Variants in GALNT13 observed in about 807,000 individuals in gnomAD.
GALNT13 encodes the protein UDP-GalNAc:polypeptide N-acetylgalactosaminyltransferase 13.
GALNT13 carries 28 observed loss-of-function variants against 64.2 expected under a neutral mutation model. That is an observed-to-expected ratio of 0.44 (90% CI 0.32 to 0.60). The LOEUF (loss-of-function observed/expected upper bound fraction) is 0.60. GALNT13 is among the 20% of genes least tolerant of loss of function. The pLI is 0.05. For missense variants in GALNT13, 577 were observed against 669.8 expected (o/e 0.86, Z 1.53); for synonymous variants, 214 against 224.6 (o/e 0.95, Z 0.42).
At chr2:153,114,823 T>C in the GALNT13 span, among the ~76,000 whole-genome samples, 1 of 152,188 alleles carries the variant, frequency 6.6e-6, no homozygotes, top group Non-Finnish European at 1.5e-5. Flanking sequence ...ACACTTGTTT[T>C]TCTTTTTTCT....
chr2:153,259,993 G>GT, the GALNT13 span, among the ~76,000 whole-genome samples: 2 of 151,524 alleles, frequency 1.3e-5, no homozygotes, highest in African/African-American at 4.8e-5. Flanking sequence ...TTTAATTTGA[G>GT]TTTACCCTGA....
the GALNT13 span, among the ~76,000 whole-genome samples, chr2:153,375,436 C>T: frequency 2.6e-5 from 4 of 152,124 alleles, no homozygotes; most frequent in Non-Finnish European, 4.4e-5. Context: ...TTGTATTTCT[C>T]ACTAGCTTTT....
the GALNT13 span, among the ~76,000 whole-genome samples, chr2:153,301,323 A>AAAAAAAGAAGAAG: frequency 1.3e-5 from 2 of 149,856 alleles, 1 homozygote; most frequent in African/African-American, 5.0e-5. Flanking sequence ...AAAAAAGAAA[A>AAAAAAAGAAGAAG]AAAAAAAGAG....
intron 2 of GALNT13, among the ~76,000 whole-genome samples, chr2:153,922,970 G>A: frequency 6.6e-6 from 1 of 151,964 alleles, no homozygotes; most frequent in East Asian, 1.9e-4. Flanking sequence ...TGTGATCTGG[G>A]CTCACTGCAA....
At chr2:153,336,149 C>A in the GALNT13 span, among the ~76,000 whole-genome samples, 4 of 152,314 alleles carry the variant, frequency 2.6e-5, no homozygotes, top group Middle Eastern at 3.4e-3. Flanking sequence ...GCGGGATGCT[C>A]CTGGGGAACC....
chr2:154,292,060 T>C (rs1429617537), intron 8 of GALNT13, among the ~76,000 whole-genome samples: 1 of 152,120 alleles, frequency 6.6e-6, no homozygotes. Context: ...TCCTCTCAAT[T>C]GTAAGGCTCT....
At chr2:153,720,136 C>T in the GALNT13 span, among the ~76,000 whole-genome samples, 3 of 145,444 alleles carry the variant, frequency 2.1e-5, no homozygotes, top group Non-Finnish European at 4.6e-5. Flanking sequence ...ACTGCCTCCT[C>T]AAGTGGGTCC....
At chr2:154,298,839 A>G (rs1246349639) in intron 8 of GALNT13, among the ~76,000 whole-genome samples, 1 of 123,354 alleles carries the variant, frequency 8.1e-6, no homozygotes, top group Non-Finnish European at 1.6e-5. Flanking sequence ...TTATATATAA[A>G]TTATATATTA....
At chr2:153,746,895 A>G in the GALNT13 span, among the ~76,000 whole-genome samples, 3 of 152,224 alleles carry the variant, frequency 2.0e-5, no homozygotes, top group South Asian at 6.2e-4. Context: ...ATTTCTGTAA[A>G]AAATATTTGC....
chr2:154,021,345 C>T (rs924409256), intron 3 of GALNT13, among the ~76,000 whole-genome samples: 18 of 152,268 alleles, frequency 1.2e-4, no homozygotes, highest in Admixed American at 5.2e-4. Flanking sequence ...ATGGAATGTT[C>T]TTCCATTTCT....
At chr2:154,104,421 T>G (rs1466849362) in intron 3 of GALNT13, among the ~76,000 whole-genome samples, 3 of 152,176 alleles carry the variant, frequency 2.0e-5, no homozygotes, top group Non-Finnish European at 4.4e-5. Flanking sequence ...GTGCAGCTAT[T>G]GTGAATACCA....
chr2:153,117,113 C>G, the GALNT13 span, among the ~76,000 whole-genome samples: 1 of 151,986 alleles, frequency 6.6e-6, no homozygotes, highest in East Asian at 1.9e-4. Flanking sequence ...GTGTTGTCTT[C>G]TTTTTAAGAA....
At chr2:153,169,498 AGGACCACAGGTGTCCAG>A in the GALNT13 span, among the ~76,000 whole-genome samples, 1 of 152,220 alleles carries the variant, frequency 6.6e-6, no homozygotes, top group Non-Finnish European at 1.5e-5. Flanking sequence ...GGAGTTAGAT[AGGACCACAGGTGTCCAG>A]GGTAGAAGGC....
chr2:153,485,055 T>C, the GALNT13 span, among the ~76,000 whole-genome samples: 2 of 152,224 alleles, frequency 1.3e-5, no homozygotes, highest in Non-Finnish European at 2.9e-5. Context: ...GAAAAGGTGG[T>C]ACCTTGTTTG....
chr2:153,635,402 A>ATATATATATACACACATATATATG, the GALNT13 span, among the ~76,000 whole-genome samples: 9 of 110,570 alleles, frequency 8.1e-5, no homozygotes, highest in African/African-American at 2.5e-4. Flanking sequence ...AAATATGTAT[A>ATATATATATACACACATATATATG]TATATATATA....
At chr2:154,253,306 A>G (rs1244825860) in intron 7 of GALNT13, among the ~76,000 whole-genome samples, 1 of 152,188 alleles carries the variant, frequency 6.6e-6, no homozygotes, top group Non-Finnish European at 1.5e-5. Context: ...CGTGAAATAC[A>G]GGATATATTG....
the GALNT13 span, among the ~76,000 whole-genome samples, chr2:153,755,710 GTTAA>G: frequency 1.3e-5 from 2 of 152,182 alleles, 1 homozygote; most frequent in East Asian, 3.9e-4. Context: ...TCTTCACTCT[GTTAA>G]TTGTTTCTTT....
intron 4 of GALNT13, among the ~76,000 whole-genome samples, chr2:154,232,046 AAG>A (rs745758874): frequency 3.6e-4 from 53 of 148,730 alleles, no homozygotes; most frequent in Non-Finnish European, 4.5e-4. Flanking sequence ...GTTAAAACAA[AAG>A]AGAGAGAGAG....
chr2:153,438,060 T>G, the GALNT13 span, among the ~76,000 whole-genome samples: 3 of 150,472 alleles, frequency 2.0e-5, no homozygotes, highest in African/African-American at 7.3e-5. Context: ...GTCTGTAAAG[T>G]ATTTTATTTG....
Sources: allele counts gnomAD v4.1 joint callset (sites outside exome capture counted in the v4.1 genomes callset), GRCh38; gene constraint gnomAD v4.1.1; transcripts MANE v1.5; gene names NCBI Gene and HGNC (gene_info 2026-07-23, HGNC 2026-07-21).